CDH18: variants seen among roughly 807,000 people sequenced by gnomAD.
CDH18 encodes the protein cadherin-18.
CDH18 carries 31 observed loss-of-function variants against 67.9 expected under a neutral mutation model. The observed-to-expected ratio is 0.46, with a 90% CI of 0.34 to 0.62. The LOEUF is 0.62. CDH18 is among the 20% of genes least tolerant of loss of function. CDH18 has a pLI of 0.01. For synonymous variants in CDH18, 362 were observed against 347.2 expected (o/e 1.04, Z -0.48); for missense variants, 890 against 975.5 (o/e 0.91, Z 1.17).
chr5:19,678,259 C>T (rs1114647), intron 5 of CDH18, among the ~76,000 whole-genome samples: 5,223 of 131,856 alleles, frequency 0.04, 286 homozygotes, highest in African/African-American at 0.13. Flanking sequence ...AAAAAAAAAA[C>T]ACTGAAATCA....
chr5:20,521,486 G>A (rs1755740552), intron 1 of CDH18, among the ~76,000 whole-genome samples: 1 of 152,100 alleles, frequency 6.6e-6, no homozygotes, highest in African/African-American at 2.4e-5. Context: ...CTTGACTGGA[G>A]TTATTTTGAT....
At chr5:19,555,562 G>A (rs1346718261) in intron 8 of CDH18, among the ~76,000 whole-genome samples, 3 of 152,144 alleles carry the variant, frequency 2.0e-5, no homozygotes, top group Non-Finnish European at 4.4e-5. Context: ...ATCCCCCTGG[G>A]AATATAACTC....
chr5:20,538,052 A>T (rs1317004819), intron 1 of CDH18, among the ~76,000 whole-genome samples: 5 of 151,940 alleles, frequency 3.3e-5, no homozygotes, highest in African/African-American at 1.2e-4. Flanking sequence ...TACACCTTCA[A>T]TTTTGACCCA....
intron 1 of CDH18, among the ~76,000 whole-genome samples, chr5:20,507,503 C>A (rs936769785): frequency 2.0e-5 from 3 of 152,200 alleles, no homozygotes; most frequent in Non-Finnish European, 1.5e-5. Flanking sequence ...TATAGATTTT[C>A]ATGAGAACAC....
chr5:19,726,370 G>T (rs1154830), intron 4 of CDH18, among the ~76,000 whole-genome samples: 1 of 152,132 alleles, frequency 6.6e-6, no homozygotes, highest in Admixed American at 6.5e-5. Flanking sequence ...TCACACAATT[G>T]TCTTTGTGTG....
At position 19,766,983 on chromosome 5, in the gene CDH18, A is replaced by G. The variant is rs1017629508; in HGVS notation, c.229-19747T>C. Reference sequence around the variant, plus strand: ...AAATTTCATTCATTTTCATAACTCCAGTAACCATGCACATCTGATTTTTAA... The same window carrying G: ...AAATTTCATTCATTTTCATAACTCCGGTAACCATGCACATCTGATTTTTAA... On this transcript the variant is annotated intron_variant, in intron 3 of 12. Coordinates refer to ENST00000382275, the MANE Select transcript of CDH18 (RefSeq NM_004934.5). Among the ~76,000 whole-genome samples, 18 of 152,216 alleles carry G rather than the reference A, an allele frequency of 1.2e-4. No homozygotes were observed. The South Asian group carries it at 1.4e-3, about 12-fold the overall frequency.
chr5:19,849,408 G>A (rs532675704), intron 2 of CDH18, among the ~76,000 whole-genome samples: 281 of 151,708 alleles, frequency 1.9e-3, no homozygotes, highest in East Asian at 3.5e-3. Context: ...AATGGGGTTC[G>A]GAAAGATGGG....
intron 1 of CDH18, among the ~76,000 whole-genome samples, chr5:20,398,676 T>C (rs1326868815): frequency 6.6e-6 from 1 of 151,400 alleles, no homozygotes; most frequent in Non-Finnish European, 1.5e-5. Flanking sequence ...ACGGCACACA[T>C]ATACCTATGT....
intron 1 of CDH18, among the ~76,000 whole-genome samples, chr5:20,384,996 C>T (rs1440973218): frequency 6.6e-6 from 1 of 151,942 alleles, no homozygotes; most frequent in Non-Finnish European, 1.5e-5. Flanking sequence ...ACCACCATGC[C>T]CCGCTAATTT....
chr5:20,488,071 A>G (rs1371824429), intron 1 of CDH18, among the ~76,000 whole-genome samples: 1 of 152,084 alleles, frequency 6.6e-6, no homozygotes, highest in Admixed American at 6.6e-5. Context: ...GCAGTTCTGA[A>G]AATGTCATAT....
In CDH18 at chr5:20,241,279, CTG is replaced by C. The variant is rs528584483; in HGVS notation, c.-518+14163_-518+14164del. Among the ~76,000 whole-genome samples, 5 of 152,254 alleles carry C rather than the reference CTG, an allele frequency of 3.3e-5. No individual in the cohort carries two copies. In the South Asian group the frequency reaches 1.0e-3, roughly 32 times the overall value. On this transcript the variant is annotated intron_variant, in intron 2 of 14. Coordinates refer to the CDH18 transcript ENST00000507958. ...CTTTAGCAGCAAATAATTACTAGAA[CTG>C]GGGTTTGAACCCAGGCCTCAGATCT... is the stretch of plus-strand genomic sequence containing the variant.
chr5:19,739,516 C>A (rs374851680), intron 4 of CDH18, among the ~76,000 whole-genome samples: 1 of 152,128 alleles, frequency 6.6e-6, no homozygotes, highest in Non-Finnish European at 1.5e-5. Flanking sequence ...AGTGGAAGAG[C>A]AGCCTGGACC....
At chr5:19,603,659 A>C (rs1747545079) in intron 6 of CDH18, among the ~76,000 whole-genome samples, 1 of 151,546 alleles carries the variant, frequency 6.6e-6, no homozygotes, top group African/African-American at 2.4e-5. Flanking sequence ...AATCACAAAA[A>C]GTGATATTAC....
intron 3 of CDH18, among the ~76,000 whole-genome samples, chr5:19,809,477 A>G (rs537978443): frequency 4.6e-5 from 7 of 152,322 alleles, no homozygotes; most frequent in African/African-American, 1.7e-4. Flanking sequence ...ATGTATACAT[A>G]TGTAACTAAC....
intron 1 of CDH18, among the ~76,000 whole-genome samples, chr5:20,337,426 C>T (rs576591393): frequency 7.2e-5 from 11 of 152,264 alleles, no homozygotes; most frequent in South Asian, 2.1e-4. Flanking sequence ...TGCTTTGCTG[C>T]GTAGGGTATT....
At chr5:20,453,605 A>ATG (rs1750634120) in intron 1 of CDH18, among the ~76,000 whole-genome samples, 2 of 151,186 alleles carry the variant, frequency 1.3e-5, no homozygotes, top group East Asian at 1.9e-4. Context: ...ATGTATATAT[A>ATG]TGTGTGTGTG....
chr5:19,669,204 T>C (rs1204150887), intron 5 of CDH18, among the ~76,000 whole-genome samples: 1 of 146,960 alleles, frequency 6.8e-6, no homozygotes, highest in Non-Finnish European at 1.5e-5. Context: ...ATATATGATG[T>C]AATATAATTA....
intron 1 of CDH18, among the ~76,000 whole-genome samples, chr5:20,559,184 T>C (rs1758070114): frequency 6.6e-6 from 1 of 152,000 alleles, no homozygotes; most frequent in African/African-American, 2.4e-5. Flanking sequence ...GACAAGTAGA[T>C]TTTCAAGGAG....
At chr5:19,931,203 T>C (rs1793657038) in intron 2 of CDH18, among the ~76,000 whole-genome samples, 1 of 151,960 alleles carries the variant, frequency 6.6e-6, no homozygotes, top group South Asian at 2.1e-4. Flanking sequence ...AAATTATTCC[T>C]TTTAGTTCAA....
Sources: gnomAD v4.1 joint callset for allele counts (sites outside exome capture counted in the v4.1 genomes callset) on GRCh38, gnomAD v4.1.1 for gene constraint, MANE v1.5 for transcripts, NCBI Gene and HGNC (gene_info 2026-07-23, HGNC 2026-07-21) for gene names.